The following UPF1 variants were observed in gnomAD, a reference collection of about 807,000 sequenced individuals.
UPF1 encodes UPF1 RNA helicase and ATPase.
In UPF1, 9 loss-of-function variants were observed where a neutral mutation model predicts 129.2. The observed-to-expected ratio is 0.07, with a 90% CI of 0.04 to 0.12. The LOEUF is 0.12. Among genes scored for constraint, UPF1 ranks in the 10% least tolerant of loss-of-function variants. UPF1 has a pLI of 1.00. For synonymous variants in UPF1, 649 were observed against 644.9 expected (o/e 1.01, Z -0.10); for missense variants, 788 against 1,525.3 (o/e 0.52, Z 8.05).
chr19:18,850,548 A>G lies in UPF1; in HGVS notation c.630-140A>G, dbSNP rs1568275459. ...CACAGGGAGATGCGATTTATTACTAACAGTTTGAAGGTAATGTGATCACAT... is the reference window on the plus strand; with the variant it reads ...CACAGGGAGATGCGATTTATTACTAGCAGTTTGAAGGTAATGTGATCACAT... On this transcript the variant is annotated intron_variant, in intron 4 of 23. Coordinates refer to ENST00000262803, the MANE Select transcript of UPF1 (RefSeq NM_002911.4). The surrounding 1 kb of genome is among the most constrained non-coding windows in gnomAD (Gnocchi z 7.1). The G allele has an allele frequency of 2.1e-6, 2 of 971,868 alleles. No individual in the cohort carries two copies. The highest frequency in any genetic ancestry group is 1.5e-6 in the Non-Finnish European group (1 of 687,476). 60.2% of individuals were successfully genotyped at this position (971,868 alleles called of 1,614,324 possible).
intron 13 of UPF1, 88 bp from the exon 14 acceptor site, chr19:18,856,789 A>C (rs1254976950): frequency 1.1e-5 from 16 of 1,494,676 alleles, no homozygotes; most frequent in Non-Finnish European, 1.4e-5. Context: ...GAGAAACAGG[A>C]GAGCTTCTGT....
At chr19:18,852,102 G>A (rs765083691) in intron 5 of UPF1, 33 bp from the exon 6 acceptor site, 3 of 1,570,002 alleles carry the variant, frequency 1.9e-6, no homozygotes, top group Non-Finnish European at 2.6e-6. Context: ...GGGAAAAACA[G>A]GACGAGTGTG....
At chr19:18,852,875 C>A in intron 6 of UPF1, 112 bp from the exon 7 acceptor site, 1 of 875,638 alleles carries the variant, frequency 1.1e-6, no homozygotes, top group Non-Finnish European at 1.8e-6. Flanking sequence ...GGCGCCTGCT[C>A]TCACGGCAGA....
In UPF1 at chr19:18,855,736, T is replaced by C; in HGVS notation, c.1545-189T>C. ...AGTGGCGTGCACCTGTGGTCCCAGC[T>C]ACTCAGGAGGCTGAGGTGGGAGGAT... On this transcript the variant is annotated intron_variant, in intron 11 of 23. Transcript: ENST00000262803. 22 of 779,360 alleles carry C rather than the reference T, an allele frequency of 2.8e-5. No homozygotes were observed. The South Asian group carries it at 4.1e-4, about 15-fold the overall frequency. 48.3% of individuals were successfully genotyped at this position (779,360 alleles called of 1,614,324 possible).
Position 18,865,254 on chromosome 19 carries a change from AGGT to A in UPF1, c.2858-33_2858-31del. ...GGTATCGCTGGGGTTTGACCGAGGC[AGGT>A]GACACCTGCCGTGTTCCACTGTGAT... On this transcript the variant is annotated intron_variant, in intron 20 of 23. Coordinates refer to ENST00000262803, the MANE Select transcript of UPF1 (RefSeq NM_002911.4). The surrounding 1 kb of genome is among the most constrained non-coding windows in gnomAD (Gnocchi z 6.1). The A allele has an allele frequency of 6.3e-7, 1 of 1,577,372 alleles. No homozygotes were observed. The highest frequency in any genetic ancestry group is 8.7e-7 in the Non-Finnish European group (1 of 1,155,022).
rs2145952082 is a variant in UPF1, at chr19:18,851,431, G to GC, written c.810+565dup. The stretch of plus-strand genomic sequence containing the variant: ...ATAACTAGGCTAGAAGTTTTCATTT[G>GC]CCTCCCATTCAGTCAGAAATCTCAC... On this transcript the variant is annotated intron_variant, in intron 5 of 23. Transcript: ENST00000262803. This position sits in a 1 kb window ranked among gnomAD's most constrained non-coding sequence, Gnocchi z 4.2. Among the ~76,000 whole-genome samples, 2 of 152,334 alleles carry GC rather than the reference G, an allele frequency of 1.3e-5. No homozygotes were observed. The highest frequency in any genetic ancestry group is 3.9e-4 in the East Asian group (2 of 5,190).
chr19:18,860,953 A>T lies in UPF1; in HGVS notation c.2428A>T (p.Ser810Cys). 1 of 1,587,806 alleles carries T rather than the reference A, an allele frequency of 6.3e-7. No homozygotes were observed. Among genetic ancestry groups the T allele is most frequent in the Non-Finnish European group, 8.6e-7 (1 of 1,167,848 alleles). Residue 810 changes from serine to cysteine, a missense_variant, in exon 17 of 24, where the codon AGC becomes TGC. Transcript: ENST00000262803. ...RSYLVQYMQF[S>C]GSLHTKLYQE... ...CTACCTGGTGCAGTACATGCAGTTC[A>T]GCGGCTCCCTGCACACCAAGCTCTA...
intron 20 of UPF1, among the ~76,000 whole-genome samples, chr19:18,864,789 G>C (rs1165847324): frequency 8.3e-5 from 11 of 131,992 alleles, no homozygotes; most frequent in African/African-American, 2.8e-4. Context: ...GCCCAAGCTG[G>C]AGTACAGTGG....
intron 15 of UPF1, 151 bp from the exon 16 acceptor site, chr19:18,860,170 G>C (rs2055762112): frequency 6.3e-6 from 5 of 789,250 alleles, no homozygotes; most frequent in South Asian, 3.3e-5. Context: ...CAGGGGACCG[G>C]CTCAGGTGAC....
At position 18,846,745 on chromosome 19, in the gene UPF1, C is replaced by A. The variant is rs191077657; in HGVS notation, c.371+626C>A. Among the ~76,000 whole-genome samples the A allele has an allele frequency of 2.0e-5, 3 of 152,270 alleles. No homozygotes were observed. The East Asian group carries it at 5.8e-4, about 29-fold the overall frequency. ...GTGGCTCACTCCTGTAATCCCAGCA[C>A]TTTGGGAGGCCGAGGTGGGCAGATC... On this transcript the variant is annotated intron_variant, in intron 2 of 23. Transcript: ENST00000262803.
At position 18,857,389 on chromosome 19, in the gene UPF1, C is replaced by T. The variant is rs752012222; in HGVS notation, c.2038C>T (p.Leu680=). The change falls in exon 15 of 24, where the codon CTG becomes TTG. Residue 680 remains leucine, a synonymous_variant. Coordinates refer to ENST00000262803, the MANE Select transcript of UPF1 (RefSeq NM_002911.4). ...GTGCAAGAAGGCGGCCAAGGCCGGG[C>T]TGTCACAGTCGCTCTTCGAGCGCCT... is the stretch of plus-strand genomic sequence containing the variant. The part of the protein sequence containing the change: ...VMCKKAAKAG[L]SQSLFERLVV... 1.9e-6 allele frequency: 3 copies of T among 1,613,476 alleles called. No homozygotes were observed. In the Admixed American group the frequency reaches 5.0e-5, roughly 27 times the overall value.
At chr19:18,841,732 T>TC (rs936821609) in intron 1 of UPF1, among the ~76,000 whole-genome samples, 15 of 152,176 alleles carry the variant, frequency 9.9e-5, no homozygotes, top group Admixed American at 9.2e-4. Flanking sequence ...GAGTGGCTGA[T>TC]CCCCGGGCTG....
intron 6 of UPF1, 110 bp downstream of exon 6, chr19:18,852,406 T>C: frequency 6.7e-7 from 1 of 1,484,416 alleles, no homozygotes; most frequent in South Asian, 1.3e-5. Flanking sequence ...TGATGTGGGC[T>C]GCAGCCGCGA....
At chr19:18,835,148 C>A (rs947945761) in intron 1 of UPF1, among the ~76,000 whole-genome samples, 1 of 152,154 alleles carries the variant, frequency 6.6e-6, no homozygotes, top group African/African-American at 2.4e-5. Context: ...CTTTCTGTCT[C>A]AAGATGTGCC....
rs756667572 is a variant in UPF1, at chr19:18,861,959, G to A, written c.2458-51G>A. 6 of 1,602,574 alleles carry A rather than the reference G, an allele frequency of 3.7e-6. No homozygotes were observed. In the East Asian group the frequency reaches 1.1e-4, roughly 30 times the overall value. ...TGGTGTGTTTCCTGCATTTTGGGGG[G>A]ACTGGGAAGGCAGCCTGCTGGCTGA... On this transcript the variant is annotated intron_variant, in intron 17 of 23. Coordinates refer to ENST00000262803, the MANE Select transcript of UPF1 (RefSeq NM_002911.4).
intron 1 of UPF1, among the ~76,000 whole-genome samples, chr19:18,838,386 C>T (rs976010212): frequency 6.6e-6 from 1 of 152,066 alleles, no homozygotes; most frequent in Non-Finnish European, 1.5e-5. Flanking sequence ...TGGTGGCTCA[C>T]GCCTGTAATC....
rs2055667983 is a variant in UPF1, at chr19:18,852,305, T to C, written c.972+9T>C. On this transcript the variant is annotated intron_variant, in intron 6 of 23. Coordinates refer to ENST00000262803, the MANE Select transcript of UPF1 (RefSeq NM_002911.4). ...AGCTGAAGGAGTCCCAGGTGATGTG[T>C]GCGAGAGGGCTTGGCCTGGGGTGGG... is the stretch of plus-strand genomic sequence containing the variant. The C allele has an allele frequency of 1.2e-6, 2 of 1,612,522 alleles. No homozygotes were observed. Among genetic ancestry groups the C allele is most frequent in the East Asian group, 2.2e-5 (1 of 44,722 alleles).
chr19:18,845,532 G>A (rs1403186148), intron 1 of UPF1, among the ~76,000 whole-genome samples: 1 of 152,168 alleles, frequency 6.6e-6, no homozygotes, highest in Non-Finnish European at 1.5e-5. Flanking sequence ...AGGTGGCAGT[G>A]GATGTGGCCA....
At chr19:18,855,065 C>T (rs775223415) in intron 10 of UPF1, 27 bp downstream of exon 10, 4 of 1,613,010 alleles carry the variant, frequency 2.5e-6, no homozygotes, top group Non-Finnish European at 3.4e-6. Flanking sequence ...GCGCGCGGGG[C>T]CTCGCCCATG....
Sources: allele counts gnomAD v4.1 joint callset (sites outside exome capture counted in the v4.1 genomes callset), GRCh38; gene constraint gnomAD v4.1.1; non-coding constraint Gnocchi (gnomAD v3.1); transcripts MANE v1.5; gene names NCBI Gene and HGNC (gene_info 2026-07-23, HGNC 2026-07-21).